ZMYM2: variants seen among roughly 807,000 people sequenced by gnomAD.
ZMYM2 encodes zinc finger MYM-type protein 2.
Under a neutral mutation model 162.8 loss-of-function variants are expected in ZMYM2, and 56 were observed. The observed-to-expected ratio is 0.34, with a 90% CI of 0.28 to 0.43. The LOEUF (loss-of-function observed/expected upper bound fraction) is 0.43, where lower values mean the gene tolerates loss of function less well. ZMYM2 is among the 20% of genes least tolerant of loss of function. The pLI, the probability that ZMYM2 is intolerant of heterozygous loss-of-function variation, is 1.00. For missense variants in ZMYM2, 1,275 were observed against 1,621.8 expected (o/e 0.79, Z 3.67); for synonymous variants, 510 against 541.6 (o/e 0.94, Z 0.81).
At chr13:19,902,880 G>A in the ZMYM2 span, among the ~76,000 whole-genome samples, 2 of 152,038 alleles carry the variant, frequency 1.3e-5, no homozygotes, top group East Asian at 1.9e-4. Flanking sequence ...GTCCAAGCCA[G>A]GCACGGTGGC....
intron 21 of ZMYM2, among the ~76,000 whole-genome samples, chr13:20,070,668 G>T (rs1280677523): frequency 6.6e-6 from 1 of 151,906 alleles, no homozygotes; most frequent in African/African-American, 2.4e-5. Flanking sequence ...ACACCACCAC[G>T]CCCGGCTAAT....
chr13:20,011,565 A>AT (rs1951180817), intron 6 of ZMYM2, among the ~76,000 whole-genome samples: 1 of 133,768 alleles, frequency 7.5e-6, no homozygotes, highest in African/African-American at 3.1e-5. Context: ...AGAAGTTTTT[A>AT]TTTTTTTGTT....
chr13:19,926,680 G>T, the ZMYM2 span, among the ~76,000 whole-genome samples: 1 of 150,804 alleles, frequency 6.6e-6, no homozygotes, highest in Admixed American at 6.6e-5. Context: ...TTTATTTTTA[G>T]TTTTCAAGAC....
intron 4 of ZMYM2, among the ~76,000 whole-genome samples, chr13:20,004,263 GTTTTT>G (rs548813563): frequency 0.013 from 1,910 of 150,890 alleles, 31 homozygotes; most frequent in African/African-American, 0.044. Context: ...GTTTTGTTTT[GTTTTT>G]TTTTGAGACG....
chr13:20,007,091 T>G (rs979046759), intron 6 of ZMYM2, among the ~76,000 whole-genome samples: 1 of 152,216 alleles, frequency 6.6e-6, no homozygotes, highest in Non-Finnish European at 1.5e-5. Context: ...AAACCTCGGC[T>G]TGAAGTGGTC....
intron 13 of ZMYM2, 58 bp downstream of exon 13, chr13:20,051,656 T>G (rs897892429): frequency 6.7e-7 from 1 of 1,497,328 alleles, no homozygotes; most frequent in African/African-American, 1.4e-5. Context: ...TTACGTAGTT[T>G]TGAATCCAAA....
the ZMYM2 span, among the ~76,000 whole-genome samples, chr13:19,891,563 C>T: frequency 6.7e-6 from 1 of 149,248 alleles, no homozygotes; most frequent in African/African-American, 2.5e-5. Context: ...ATCACTTGAG[C>T]CCAGGAGTTT....
At chr13:20,079,891 T>TTTTTA (rs2141022120) in intron 21 of ZMYM2, among the ~76,000 whole-genome samples, 1 of 152,330 alleles carries the variant, frequency 6.6e-6, no homozygotes, top group South Asian at 2.1e-4. Flanking sequence ...TTTCCCTCAT[T>TTTTTA]TTTTATTACA....
chr13:20,058,732 C>G (rs1955999330), intron 15 of ZMYM2, 28 bp downstream of exon 15: 1 of 1,610,326 alleles, frequency 6.2e-7, no homozygotes, highest in African/African-American at 1.3e-5. Flanking sequence ...GACTTACATA[C>G]TTCCCCATAC....
At chr13:19,968,700 A>G (rs937488871) in intron 2 of ZMYM2, among the ~76,000 whole-genome samples, 11 of 152,204 alleles carry the variant, frequency 7.2e-5, no homozygotes, top group African/African-American at 2.7e-4. Context: ...TCTTGACTCC[A>G]TTGTAGCCAG....
chr13:20,086,844 T>C lies in ZMYM2; in HGVS notation c.*830T>C, dbSNP rs1196782065. On this transcript the variant is annotated 3_prime_UTR_variant, in exon 25 of 25. Coordinates refer to ENST00000610343, the MANE Select transcript of ZMYM2 (RefSeq NM_197968.4). ...CAAGATCATCAAGACATTTCCTTTG[T>C]AAAAATGTCTGGTGAAAGTATAAAA... 2 of 164,564 alleles carry C rather than the reference T, an allele frequency of 1.2e-5. No individual in the cohort carries two copies. The highest frequency in any genetic ancestry group is 1.3e-4 in the Admixed American group (2 of 15,264). The allele number at this position is 164,564 out of a possible 1,614,324, so 10.2% of individuals were successfully genotyped here. A position where few individuals can be genotyped will look rare whatever the true frequency, so the allele number is the denominator to read the frequency against.
the ZMYM2 span, among the ~76,000 whole-genome samples, chr13:19,921,044 C>G: frequency 3.9e-5 from 6 of 152,100 alleles, no homozygotes; most frequent in African/African-American, 1.4e-4. Flanking sequence ...GCTGGGATTA[C>G]AGGCGTGAGC....
At chr13:19,939,534 C>T in the ZMYM2 span, among the ~76,000 whole-genome samples, 1 of 152,088 alleles carries the variant, frequency 6.6e-6, no homozygotes, top group African/African-American at 2.4e-5. Flanking sequence ...TTTTGTGTTT[C>T]ATCTGCATTG....
intron 2 of ZMYM2, among the ~76,000 whole-genome samples, chr13:19,986,238 G>T (rs1949130872): frequency 6.6e-6 from 1 of 151,786 alleles, no homozygotes; most frequent in South Asian, 2.1e-4. Flanking sequence ...AAAAAGAAGG[G>T]ATAATTCTGT....
intron 11 of ZMYM2, among the ~76,000 whole-genome samples, chr13:20,034,747 A>G (rs1255202321): frequency 1.3e-5 from 2 of 152,236 alleles, no homozygotes; most frequent in Non-Finnish European, 2.9e-5. Context: ...TTCCCTGCCC[A>G]GCTTACTACC....
chr13:20,047,348 TC>T (rs764336848), intron 12 of ZMYM2, among the ~76,000 whole-genome samples: 3 of 152,108 alleles, frequency 2.0e-5, no homozygotes, highest in Non-Finnish European at 4.4e-5. Context: ...AATTATGGGG[TC>T]CCCCCCTTTT....
At chr13:19,946,489 T>A in the ZMYM2 span, among the ~76,000 whole-genome samples, 4 of 152,380 alleles carry the variant, frequency 2.6e-5, no homozygotes, top group Non-Finnish European at 4.4e-5. Flanking sequence ...AGAAAAGTGT[T>A]CTATAATCAT....
At chr13:20,007,102 G>C (rs140610089) in intron 6 of ZMYM2, among the ~76,000 whole-genome samples, 1 of 152,136 alleles carries the variant, frequency 6.6e-6, no homozygotes, top group African/African-American at 2.4e-5. Context: ...TGAAGTGGTC[G>C]TATTGTTTAT....
chr13:20,014,703 G>C (rs1055825863), intron 6 of ZMYM2, among the ~76,000 whole-genome samples: 1 of 147,796 alleles, frequency 6.8e-6, no homozygotes. Flanking sequence ...TGCTGGCTTT[G>C]GGTTTAGTGA....
Sources: allele counts gnomAD v4.1 joint callset (sites outside exome capture counted in the v4.1 genomes callset), GRCh38; gene constraint gnomAD v4.1.1; transcripts MANE v1.5; gene names NCBI Gene and HGNC (gene_info 2026-07-23, HGNC 2026-07-21).